The following HDAC1 variants were observed in gnomAD, a reference collection of about 807,000 sequenced individuals.
HDAC1 encodes the protein histone deacetylase 1.
In HDAC1, 18 loss-of-function variants were observed where a neutral mutation model predicts 65.5. The ratio of observed to expected loss-of-function variants is 0.27; its 90% CI spans 0.19 to 0.41. The LOEUF (loss-of-function observed/expected upper bound fraction) is 0.41. HDAC1 is among the 10% of genes least tolerant of loss of function. The pLI is 1.00. For missense variants in HDAC1, 373 were observed against 625.2 expected (o/e 0.60, Z 4.30); for synonymous variants, 211 against 227.9 (o/e 0.93, Z 0.67).
Position 32,331,278 on chromosome 1 carries a change from G to A in HDAC1, c.980-196G>A, listed in dbSNP as rs1368971866. On this transcript the variant is annotated intron_variant, in intron 9 of 13. Transcript: ENST00000373548. The surrounding 1 kb of genome is among the most constrained non-coding windows in gnomAD (Gnocchi z 4.2). ...TCTCCTAGCGACATATACACCACTG[G>A]TACAGACATAGGAGAGTGATGTTAA... Among the ~76,000 whole-genome samples, 2 of 152,136 alleles carry A rather than the reference G, an allele frequency of 1.3e-5. No homozygotes were observed. Among genetic ancestry groups the A allele is most frequent in the African/African-American group, 2.4e-5 (1 of 41,404 alleles).
chr1:32,331,388 C>T lies in HDAC1; in HGVS notation c.980-86C>T. 1.3e-6 allele frequency: 1 copy of T among 776,510 alleles called. No homozygotes were observed. The highest frequency in any genetic ancestry group is 2.3e-6 in the Non-Finnish European group (1 of 439,840). The allele number at this position is 776,510 out of a possible 1,614,324, so 48.1% of individuals were successfully genotyped here. A position where few individuals can be genotyped will look rare whatever the true frequency, so the allele number is the denominator to read the frequency against. ...TTTGGATAAATAGGCCCAGAGAAAC[C>T]TACAAATGCTTTAGGGTGCTTACGT... is the stretch of plus-strand genomic sequence containing the variant. On this transcript the variant is annotated intron_variant, in intron 9 of 13. Transcript: ENST00000373548. This position sits in a 1 kb window ranked among gnomAD's most constrained non-coding sequence, Gnocchi z 4.2.
intron 1 of HDAC1, among the ~76,000 whole-genome samples, chr1:32,292,741 A>G (rs989550514): frequency 6.6e-6 from 1 of 151,948 alleles, no homozygotes; most frequent in African/African-American, 2.4e-5. Context: ...GTTAAAACAG[A>G]CTTCTCACTT....
rs184617846 is a variant in HDAC1, at chr1:32,320,716, G to A, written c.281-3763G>A. Among the ~76,000 whole-genome samples the A allele has an allele frequency of 4.3e-3, 647 of 151,686 alleles. 3 individuals carry two copies. The highest frequency in any genetic ancestry group is 9.6e-3 in the South Asian group (46 of 4,798). ...GGAGTTTGAGACCAGCCTGGCCAGCGTGGTGAAACCCTGTCTCCACCAAAA... is the reference window on the plus strand; with the variant it reads ...GGAGTTTGAGACCAGCCTGGCCAGCATGGTGAAACCCTGTCTCCACCAAAA... On this transcript the variant is annotated intron_variant, in intron 3 of 13. Coordinates refer to ENST00000373548, the MANE Select transcript of HDAC1 (RefSeq NM_004964.3).
chr1:32,302,536 T>G, intron 1 of HDAC1, 85 bp from the exon 2 acceptor site: 1 of 694,408 alleles, frequency 1.4e-6, no homozygotes, highest in Non-Finnish European at 2.7e-6. Flanking sequence ...AGAATTTGAC[T>G]GGGAGTTCGC....
intron 3 of HDAC1, among the ~76,000 whole-genome samples, chr1:32,322,563 C>T (rs865818401): frequency 2.0e-5 from 3 of 152,184 alleles, no homozygotes; most frequent in Admixed American, 6.5e-5. Context: ...GCCACCGCGC[C>T]CGGCCAGTAG....
intron 2 of HDAC1, among the ~76,000 whole-genome samples, chr1:32,306,268 G>A (rs1443508722): frequency 1.3e-5 from 2 of 148,360 alleles, no homozygotes; most frequent in African/African-American, 5.0e-5. Flanking sequence ...TTGGCTCACT[G>A]CAATCTCCGC....
intron 1 of HDAC1, 34 bp from the exon 2 acceptor site, chr1:32,302,587 T>C (rs1015432114): frequency 9.7e-7 from 1 of 1,029,296 alleles, no homozygotes; most frequent in Non-Finnish European, 1.5e-6. Flanking sequence ...TATGCCTAAC[T>C]GTGTTAGTGA....
chr1:32,306,537 G>C (rs572475716), intron 2 of HDAC1, among the ~76,000 whole-genome samples: 14 of 152,272 alleles, frequency 9.2e-5, no homozygotes, highest in African/African-American at 3.4e-4. Flanking sequence ...GCTCATTGCA[G>C]CCTCAAGCTC....
intron 2 of HDAC1, among the ~76,000 whole-genome samples, chr1:32,315,196 G>A (rs920323521): frequency 6.6e-6 from 1 of 152,148 alleles, no homozygotes; most frequent in African/African-American, 2.4e-5. Flanking sequence ...GCTTGTCAAG[G>A]AAGTGTTAGT....
At chr1:32,295,663 C>T (rs1019883574) in intron 1 of HDAC1, among the ~76,000 whole-genome samples, 4 of 152,200 alleles carry the variant, frequency 2.6e-5, no homozygotes, top group Non-Finnish European at 4.4e-5. Flanking sequence ...TCCCAAAAGG[C>T]TCCACTTCCA....
At chr1:32,325,820 G>C (rs184808290) in intron 4 of HDAC1, among the ~76,000 whole-genome samples, 5 of 152,254 alleles carry the variant, frequency 3.3e-5, no homozygotes, top group Admixed American at 3.3e-4. Context: ...GAGGTCAGGA[G>C]TTTGAGACCA....
At chr1:32,325,068 C>A (rs1641199405) in intron 4 of HDAC1, among the ~76,000 whole-genome samples, 1 of 152,196 alleles carries the variant, frequency 6.6e-6, no homozygotes, top group Admixed American at 6.5e-5. Context: ...ACTGTCCTTT[C>A]CTACTAAGAG....
chr1:32,308,665 C>A (rs1056139966), intron 2 of HDAC1, among the ~76,000 whole-genome samples: 1 of 151,700 alleles, frequency 6.6e-6, no homozygotes, highest in Non-Finnish European at 1.5e-5. Flanking sequence ...ACTACAGGCA[C>A]CTGCCACCAC....
chr1:32,305,212 T>G (rs929696991), intron 2 of HDAC1, among the ~76,000 whole-genome samples: 1 of 152,212 alleles, frequency 6.6e-6, no homozygotes, highest in African/African-American at 2.4e-5. Context: ...TGTATTTCAT[T>G]GAAATAAATG....
rs1315510047 is a variant in HDAC1 at position 32,327,878 on chromosome 1, A to G, written c.636+201A>G. The G allele has an allele frequency of 1.6e-6, 1 of 613,698 alleles. No homozygotes were observed. The highest frequency in any genetic ancestry group is 2.8e-5 in the East Asian group (1 of 35,460). The allele number at this position is 613,698 out of a possible 1,614,324, so 38.0% of individuals were successfully genotyped here. On this transcript the variant is annotated intron_variant, in intron 6 of 13. Coordinates refer to ENST00000373548, the MANE Select transcript of HDAC1 (RefSeq NM_004964.3). The surrounding 1 kb of genome is among the most constrained non-coding windows in gnomAD (Gnocchi z 6.0). ...TGATGGGACATAAAGGGCCAGAGAA[A>G]GAAGAGGGGTCTCCTGACTCACTGT...
intron 1 of HDAC1, among the ~76,000 whole-genome samples, 199 bp from the exon 2 acceptor site, chr1:32,302,422 T>C (rs2148058152): frequency 6.6e-6 from 1 of 151,646 alleles, no homozygotes; most frequent in Middle Eastern, 3.5e-3. Flanking sequence ...GACTGAACCT[T>C]AAATGTTCAC....
chr1:32,327,762 C>A lies in HDAC1; in HGVS notation c.636+85C>A, dbSNP rs1409369979. On this transcript the variant is annotated intron_variant, in intron 6 of 13. Coordinates refer to ENST00000373548, the MANE Select transcript of HDAC1 (RefSeq NM_004964.3). The surrounding 1 kb of genome is among the most constrained non-coding windows in gnomAD (Gnocchi z 6.0). ...TCCTATCTCATGCCACTAAAAATTG[C>A]TTCTTGCCTCTTCTGCCAATCAGAA... The A allele has an allele frequency of 8.7e-7, 1 of 1,155,326 alleles. No individual in the cohort carries two copies. Among genetic ancestry groups the A allele is most frequent in the Non-Finnish European group, 1.3e-6 (1 of 773,772 alleles). 71.6% of individuals were successfully genotyped at this position (1,155,326 alleles called of 1,614,324 possible). A position where few individuals can be genotyped will look rare whatever the true frequency, so the allele number is the denominator to read the frequency against.
intron 11 of HDAC1, 76 bp from the exon 12 acceptor site, chr1:32,332,014 G>A: frequency 1.4e-6 from 2 of 1,462,586 alleles, no homozygotes; most frequent in Non-Finnish European, 1.8e-6. Context: ...GGACACGCAG[G>A]GAAGCACTGG....
At position 32,327,039 on chromosome 1, in the gene HDAC1, C is replaced by T. The variant is rs779483240; in HGVS notation, c.456C>T (p.Tyr152=). 5.6e-5 allele frequency: 90 copies of T among 1,614,018 alleles called. No individual in the cohort carries two copies. Among genetic ancestry groups the T allele is most frequent in the South Asian group, 1.1e-4 (10 of 91,088 alleles). The change falls in exon 5 of 14, where the codon TAC becomes TAT. Residue 152 remains tyrosine (Y), a synonymous_variant. Coordinates refer to ENST00000373548, the MANE Select transcript of HDAC1 (RefSeq NM_004964.3). This position sits in a 1 kb window ranked among gnomAD's most constrained non-coding sequence, Gnocchi z 6.0. ...AKKSEASGFC[Y]VNDIVLAILE... ...AGTCCGAGGCATCTGGCTTCTGTTA[C>T]GTCAATGATATCGTCTTGGCCATCC... is the stretch of plus-strand genomic sequence containing the variant.
Sources: allele counts gnomAD v4.1 joint callset (sites outside exome capture counted in the v4.1 genomes callset), GRCh38; gene constraint gnomAD v4.1.1; non-coding constraint Gnocchi (gnomAD v3.1); transcripts MANE v1.5; gene names NCBI Gene and HGNC (gene_info 2026-07-23, HGNC 2026-07-21).